Variants in CARMIL1 observed in about 807,000 individuals in gnomAD.
CARMIL1 encodes the protein capping protein regulator and myosin 1 linker 1.
Under a neutral mutation model 177.1 loss-of-function variants are expected in CARMIL1, and 90 were observed. The ratio of observed to expected loss-of-function variants is 0.51; its 90% confidence interval spans 0.43 to 0.61. The LOEUF (loss-of-function observed/expected upper bound fraction) is 0.61. Ranked by LOEUF, CARMIL1 falls within the 20% of genes least tolerant of loss-of-function variation. CARMIL1 has a pLI of 0.00. For missense variants in CARMIL1, 1,380 were observed against 1,667.0 expected (o/e 0.83, Z 3.00); for synonymous variants, 577 against 606.2 (o/e 0.95, Z 0.71).
intron 6 of CARMIL1, 109 bp downstream of exon 6, chr6:25,450,104 G>A: frequency 3.2e-6 from 3 of 949,164 alleles, no homozygotes; most frequent in Non-Finnish European, 4.7e-6. Context: ...TTAGTTTCAA[G>A]GTGTAATTAG....
intron 2 of CARMIL1, among the ~76,000 whole-genome samples, chr6:25,391,609 G>A (rs79248604): frequency 0.052 from 7,957 of 152,332 alleles, 277 homozygotes; most frequent in Non-Finnish European, 0.088. Flanking sequence ...CTAGCCACAT[G>A]TGGCTGTTTG....
At chr6:25,567,275 G>C (rs1374846193) in intron 29 of CARMIL1, among the ~76,000 whole-genome samples, 1 of 152,130 alleles carries the variant, frequency 6.6e-6, no homozygotes. Context: ...CTGAGTGTTC[G>C]GTGGATAGTA....
chr6:25,558,653 G>A lies in CARMIL1; in HGVS notation c.2742+1803G>A, dbSNP rs552830071. On this transcript the variant is annotated intron_variant, in intron 29 of 36. Coordinates refer to ENST00000329474, the MANE Select transcript of CARMIL1 (RefSeq NM_017640.6). The surrounding 1 kb of genome is among the most constrained non-coding windows in gnomAD (Gnocchi z 4.1). The stretch of plus-strand genomic sequence containing the variant: ...TGTTGCCATGATGCCTAAAGAGGCA[G>A]GAGTAGATGTAGATCTCTTTGAATT... Among the ~76,000 whole-genome samples the A allele has an allele frequency of 1.3e-5, 2 of 152,320 alleles. No homozygotes were observed. The highest frequency in any genetic ancestry group is 4.1e-4 in the South Asian group (2 of 4,830).
At chr6:25,302,154 G>A (rs1782906832) in intron 2 of CARMIL1, among the ~76,000 whole-genome samples, 1 of 152,224 alleles carries the variant, frequency 6.6e-6, no homozygotes, top group Non-Finnish European at 1.5e-5. Flanking sequence ...ACCCTATCCA[G>A]TTGGTCAGTG....
intron 4 of CARMIL1, chr6:25,432,957 C>T (rs1183129153): frequency 6.6e-6 from 1 of 152,144 alleles, no homozygotes; most frequent in African/African-American, 2.4e-5. Flanking sequence ...TGCTAGGTGT[C>T]TAAAGAAAAT....
chr6:25,360,105 G>A (rs139978520), intron 2 of CARMIL1, among the ~76,000 whole-genome samples: 2 of 152,192 alleles, frequency 1.3e-5, no homozygotes, highest in African/African-American at 2.4e-5. Flanking sequence ...GGGGGAGCAG[G>A]TGTGGCACAA....
At chr6:25,430,122 G>T (rs898508835) in intron 4 of CARMIL1, among the ~76,000 whole-genome samples, 3 of 151,906 alleles carry the variant, frequency 2.0e-5, no homozygotes, top group Non-Finnish European at 4.4e-5. Flanking sequence ...GGGATTACAG[G>T]CCTGAGCCAT....
intron 4 of CARMIL1, 137 bp downstream of exon 4, chr6:25,426,697 T>C: frequency 1.5e-6 from 1 of 653,180 alleles, no homozygotes; most frequent in Non-Finnish European, 2.6e-6. Flanking sequence ...CAACACTGGC[T>C]GTGTGGACAG....
chr6:25,332,773 G>GCATACACACACACA (rs376381821), intron 2 of CARMIL1, among the ~76,000 whole-genome samples: 2 of 104,462 alleles, frequency 1.9e-5, no homozygotes, highest in Middle Eastern at 4.7e-3. Flanking sequence ...ACACACACAC[G>GCATACACACACACA]CGCACACACA....
intron 2 of CARMIL1, among the ~76,000 whole-genome samples, chr6:25,351,801 A>T (rs1306293396): frequency 1.3e-5 from 2 of 152,116 alleles, no homozygotes; most frequent in Non-Finnish European, 2.9e-5. Flanking sequence ...GTGAATGACG[A>T]TTGTGGAAAA....
chr6:25,365,982 A>G (rs929898722), intron 2 of CARMIL1, among the ~76,000 whole-genome samples: 2 of 152,042 alleles, frequency 1.3e-5, no homozygotes, highest in African/African-American at 2.4e-5. Flanking sequence ...CTCTTCTTTC[A>G]GTGTCCATTT....
intron 24 of CARMIL1, among the ~76,000 whole-genome samples, chr6:25,532,262 A>G (rs896495302): frequency 2.0e-5 from 3 of 151,798 alleles, no homozygotes; most frequent in Middle Eastern, 3.4e-3. Context: ...TTTCCCCCTA[A>G]TTCAGAGTGG....
chr6:25,341,927 C>T lies in CARMIL1; in HGVS notation c.138+57018C>T, dbSNP rs182578450. ...GAGAACAGAAATAACACTGGAAAGG[C>T]GGAGGAGGGGGCACAGGTGCACTTT... On this transcript the variant is annotated intron_variant, in intron 2 of 36. Transcript: ENST00000329474. 5.3e-5 allele frequency among the ~76,000 whole-genome samples: 8 copies of T among 152,222 alleles called. 1 individual carries two copies. Among genetic ancestry groups the T allele is most frequent in the South Asian group, 2.1e-4 (1 of 4,806 alleles).
intron 2 of CARMIL1, among the ~76,000 whole-genome samples, chr6:25,411,774 C>T (rs371313903): frequency 4.6e-5 from 7 of 152,242 alleles, no homozygotes; most frequent in South Asian, 2.1e-4. Context: ...GAATAGAAAA[C>T]GAAACTCAGT....
At chr6:25,570,598 TC>T (rs1811990370) in intron 29 of CARMIL1, among the ~76,000 whole-genome samples, 1 of 152,210 alleles carries the variant, frequency 6.6e-6, no homozygotes, top group Non-Finnish European at 1.5e-5. Flanking sequence ...ACTGTGCAGA[TC>T]TGGAAAATAA....
At chr6:25,343,318 T>C (rs78854397) in intron 2 of CARMIL1, among the ~76,000 whole-genome samples, 1 of 30,944 alleles carries the variant, frequency 3.2e-5, no homozygotes, top group Non-Finnish European at 7.1e-5. Context: ...TATTTTTGCT[T>C]TTTTTTTTTT....
At chr6:25,613,589 A>G (rs892940662) in intron 36 of CARMIL1, among the ~76,000 whole-genome samples, 39 of 152,188 alleles carry the variant, frequency 2.6e-4, no homozygotes, top group African/African-American at 8.0e-4. Context: ...CTGCCCTCCA[A>G]TGGGAAATTG....
intron 1 of CARMIL1, among the ~76,000 whole-genome samples, chr6:25,281,214 AC>A (rs1401889588): frequency 6.8e-6 from 1 of 148,022 alleles, no homozygotes; most frequent in African/African-American, 2.5e-5. Context: ...TCTCTCCCCA[AC>A]CCTGTGGAGT....
chr6:25,407,061 A>G (rs1473404524), intron 2 of CARMIL1, among the ~76,000 whole-genome samples: 1 of 152,156 alleles, frequency 6.6e-6, no homozygotes, highest in Non-Finnish European at 1.5e-5. Flanking sequence ...GCATGGATTT[A>G]GCAGCCGTGA....
Sources: gnomAD v4.1 joint callset for allele counts (sites outside exome capture counted in the v4.1 genomes callset) on GRCh38, gnomAD v4.1.1 for gene constraint, Gnocchi (gnomAD v3.1) non-coding constraint, MANE v1.5 for transcripts, NCBI Gene and HGNC (gene_info 2026-07-23, HGNC 2026-07-21) for gene names.